CNGB1: variants seen among roughly 807,000 people sequenced by gnomAD.
The protein encoded by CNGB1 is cyclic nucleotide-gated channel beta-1.
Under a neutral mutation model 151.7 loss-of-function variants are expected in CNGB1, and 126 were observed. The ratio of observed to expected loss-of-function variants is 0.83; its 90% CI spans 0.72 to 0.96. CNGB1 has a LOEUF of 0.96. Among genes scored for constraint, CNGB1 ranks in the 40% least tolerant of loss-of-function variants. CNGB1 has a pLI of 0.00. For missense variants in CNGB1, 1,698 were observed against 1,627.0 expected, an observed-to-expected ratio of 1.04 and a Z score of -0.75; for synonymous variants, 623 against 635.1, an observed-to-expected ratio of 0.98 and a Z score of 0.29.
At chr16:57,906,044 G>A (rs1250302194) in intron 25 of CNGB1, among the ~76,000 whole-genome samples, 1 of 152,174 alleles carries the variant, frequency 6.6e-6, no homozygotes, top group African/African-American at 2.4e-5. Flanking sequence ...GGTCAGCAAA[G>A]GTGAGGTCAG....
intron 23 of CNGB1, 111 bp downstream of exon 23, chr16:57,915,138 C>G: frequency 2.4e-6 from 2 of 817,378 alleles, no homozygotes; most frequent in Non-Finnish European, 4.0e-6. Context: ...TCGGGCCATC[C>G]CTTGAGGAAC....
rs3859043 is a variant in CNGB1 at position 57,964,441 on chromosome 16, C to T, written c.217+46G>A. On this transcript the variant is annotated intron_variant, in intron 3 of 32. Coordinates refer to ENST00000251102, the MANE Select transcript of CNGB1 (RefSeq NM_001297.5). ...GCTCTGCGGCTCCGAGGGGAGAATG[C>T]GGGCCCCCCTGCCATGCCAGCCTGG... 1,237,982 of 1,609,326 alleles carry T rather than the reference C, an allele frequency of 0.77. 479,823 individuals carry two copies. Among genetic ancestry groups the T allele is most frequent in the East Asian group, 0.84 (37,813 of 44,840 alleles).
rs754272218 is a variant in CNGB1, at chr16:57,931,798, G to T, written c.1453C>A (p.Pro485Thr). ...GGTGGCGGCAACACGGTTGAGGGTG[G>T]ATTCTCTTCTGCCATGAGGGGGCAG... ...DSCPLMAEEN[P>T]PSTVLPPPSP... Residue 485 changes from proline (P) to threonine (T), a missense_variant, in exon 17 of 33, where the codon CCA becomes ACA. Pro to Thr is a conservative substitution (Grantham distance 38). Transcript: ENST00000251102. 7 of 1,614,158 alleles carry T rather than the reference G, an allele frequency of 4.3e-6. No individual in the cohort carries two copies. The highest frequency in any genetic ancestry group is 5.9e-6 in the Non-Finnish European group (7 of 1,180,020).
At chr16:57,907,028 T>C (rs1960569827) in intron 25 of CNGB1, among the ~76,000 whole-genome samples, 1 of 152,238 alleles carries the variant, frequency 6.6e-6, no homozygotes, top group African/African-American at 2.4e-5. Context: ...CTATTGGAAT[T>C]TCTTAAGAAT....
intron 6 of CNGB1, 102 bp from the exon 7 acceptor site, chr16:57,962,712 G>T (rs1962289491): frequency 6.4e-7 from 1 of 1,567,410 alleles, no homozygotes; most frequent in East Asian, 2.2e-5. Flanking sequence ...TCAACCCCAG[G>T]TTCAAAGCAG....
At chr16:57,940,049 C>T (rs1183969424) in intron 15 of CNGB1, among the ~76,000 whole-genome samples, 185 bp downstream of exon 15, 6 of 152,224 alleles carry the variant, frequency 3.9e-5, no homozygotes, top group East Asian at 1.9e-4. Context: ...TCCCCACCCA[C>T]GGCCTGGGCC....
At chr16:57,884,538 G>A in intron 32 of CNGB1, 81 bp from the exon 33 acceptor site, 1 of 1,520,304 alleles carries the variant, frequency 6.6e-7, no homozygotes, top group Non-Finnish European at 9.0e-7. Context: ...CCCTGTTCCA[G>A]CCTTTTTGGA....
intron 28 of CNGB1, 28 bp from the exon 29 acceptor site, chr16:57,901,463 T>A: frequency 1.2e-6 from 2 of 1,613,976 alleles, no homozygotes; most frequent in Non-Finnish European, 1.7e-6. Context: ...GGAAAGGAAC[T>A]TTTTAGAGAA....
chr16:57,965,852 T>C (rs925248944), intron 2 of CNGB1, among the ~76,000 whole-genome samples: 22 of 152,214 alleles, frequency 1.4e-4, no homozygotes, highest in African/African-American at 5.1e-4. Flanking sequence ...TACATATACA[T>C]GTTCACATAC....
At chr16:57,922,427 C>CTTTTT (rs202188548) in intron 18 of CNGB1, among the ~76,000 whole-genome samples, 5,157 of 140,990 alleles carry the variant, frequency 0.037, 309 homozygotes, top group African/African-American at 0.12. Context: ...TTCTTTCTTT[C>CTTTTT]TTTCTTTTTT....
chr16:57,919,918 C>T (rs969440407), intron 19 of CNGB1, among the ~76,000 whole-genome samples: 1 of 152,144 alleles, frequency 6.6e-6, no homozygotes, highest in East Asian at 1.9e-4. Flanking sequence ...TAAAAAATCT[C>T]CCTGACAAGA....
intron 21 of CNGB1, among the ~76,000 whole-genome samples, chr16:57,916,830 C>A (rs183766037): frequency 2.5e-4 from 38 of 152,268 alleles, no homozygotes; most frequent in African/African-American, 5.8e-4. Context: ...AGTCAATTGC[C>A]AGTGGATACC....
chr16:57,909,818 T>A (rs1318758705), intron 25 of CNGB1, among the ~76,000 whole-genome samples: 1 of 152,236 alleles, frequency 6.6e-6, no homozygotes, highest in East Asian at 1.9e-4. Flanking sequence ...CAGTTAGGAC[T>A]CTGTGGCCAT....
chr16:57,968,865 T>TAA (rs749886638), intron 1 of CNGB1, among the ~76,000 whole-genome samples: 8 of 122,890 alleles, frequency 6.5e-5, no homozygotes, highest in East Asian at 4.7e-4. Context: ...TGTCTCTATT[T>TAA]AAAAAAAAAA....
intron 23 of CNGB1, among the ~76,000 whole-genome samples, chr16:57,914,229 C>T (rs1253281510): frequency 5.9e-5 from 9 of 152,324 alleles, no homozygotes; most frequent in African/African-American, 1.9e-4. Context: ...ACCTCTGCGT[C>T]TGGGGTGAAA....
rs117104271 is a variant in CNGB1 at position 57,913,068 on chromosome 16, G to A, written c.2305-74C>T. 3.3e-3 allele frequency: 4,686 copies of A among 1,419,692 alleles called. 154 individuals carry two copies. In the East Asian group the frequency reaches 0.074, roughly 22 times the overall value. 87.9% of individuals were successfully genotyped at this position (1,419,692 alleles called of 1,614,324 possible). On this transcript the variant is annotated intron_variant, in intron 23 of 32. Transcript: ENST00000251102. The stretch of plus-strand genomic sequence containing the variant: ...TGCTGCTCCCACGCCCACGGGCGCC[G>A]AGACTCAGGGCTCTTCCTGCAGCCC...
intron 18 of CNGB1, among the ~76,000 whole-genome samples, chr16:57,921,291 C>T (rs567244633): frequency 2.8e-5 from 4 of 143,748 alleles, no homozygotes; most frequent in African/African-American, 1.1e-4. Context: ...GGTATGACCT[C>T]GGCTCAGTCA....
intron 30 of CNGB1, 119 bp downstream of exon 30, chr16:57,897,677 A>C: frequency 6.6e-7 from 1 of 1,516,740 alleles, no homozygotes; most frequent in South Asian, 1.1e-5. Context: ...CCATCCCCGC[A>C]TACATCAGCA....
intron 25 of CNGB1, 112 bp downstream of exon 25, chr16:57,911,641 G>A: frequency 1.4e-6 from 2 of 1,442,872 alleles, no homozygotes; most frequent in Non-Finnish European, 1.9e-6. Context: ...GGAGCAAAGT[G>A]GCCTTGGCAA....
Sources: allele counts gnomAD v4.1 joint callset (sites outside exome capture counted in the v4.1 genomes callset), GRCh38; gene constraint gnomAD v4.1.1; transcripts MANE v1.5; gene names NCBI Gene and HGNC (gene_info 2026-07-23, HGNC 2026-07-21).